The following DPYD variants were observed in gnomAD, a reference collection of about 807,000 sequenced individuals.
DPYD encodes the protein dihydropyrimidine dehydrogenase [NADP(+)].
Under a neutral mutation model 116.2 loss-of-function variants are expected in DPYD, and 109 were observed. The ratio of observed to expected loss-of-function variants is 0.94; its 90% CI spans 0.80 to 1.10. The LOEUF is 1.10. DPYD is among the 50% of genes least tolerant of loss of function. The pLI, the probability that DPYD is intolerant of heterozygous loss-of-function variation, is 0.00. For missense variants in DPYD, 1,302 were observed against 1,254.5 expected (o/e 1.04, Z -0.57); for synonymous variants, 440 against 432.0 (o/e 1.02, Z -0.23).
chr1:97,272,931 C>T (rs890081279), intron 18 of DPYD, among the ~76,000 whole-genome samples: 16 of 151,950 alleles, frequency 1.1e-4, no homozygotes, highest in African/African-American at 3.6e-4. Flanking sequence ...TGTTTTCTCC[C>T]GTCAGTTTCA....
chr1:97,691,860 C>A (rs888169010), intron 6 of DPYD, 62 bp from the exon 7 acceptor site: 2 of 1,365,570 alleles, frequency 1.5e-6, no homozygotes, highest in Admixed American at 3.4e-5. Context: ...TTTGACCAAT[C>A]TTAAAAAAAG....
At chr1:97,458,976 T>A (rs752307152) in intron 13 of DPYD, among the ~76,000 whole-genome samples, 4 of 152,026 alleles carry the variant, frequency 2.6e-5, no homozygotes, top group Admixed American at 6.6e-5. Context: ...AAAGATATCA[T>A]AGGTGGGAGC....
chr1:97,479,800 C>G (rs928180881), intron 13 of DPYD, among the ~76,000 whole-genome samples: 2 of 152,160 alleles, frequency 1.3e-5, no homozygotes, highest in African/African-American at 4.8e-5. Context: ...TATGGTGAAA[C>G]CAAATTCAAC....
intron 1 of DPYD, among the ~76,000 whole-genome samples, chr1:97,899,781 T>C (rs1441349448): frequency 6.6e-6 from 1 of 151,988 alleles, no homozygotes. Flanking sequence ...TACGTGGTCA[T>C]GGGACCATGG....
chr1:97,916,513 A>C (rs1427774596), intron 1 of DPYD, among the ~76,000 whole-genome samples: 1 of 152,108 alleles, frequency 6.6e-6, no homozygotes, highest in Non-Finnish European at 1.5e-5. Flanking sequence ...ATGAACTCAT[A>C]ATCTTTTTAA....
intron 20 of DPYD, among the ~76,000 whole-genome samples, chr1:97,160,929 A>T (rs1017909524): frequency 2.6e-5 from 4 of 152,164 alleles, no homozygotes; most frequent in Non-Finnish European, 4.4e-5. Context: ...GCCTTAGTTA[A>T]CTTGGCAAAA....
chr1:97,900,876 C>T (rs187522426), intron 1 of DPYD, among the ~76,000 whole-genome samples: 2 of 151,882 alleles, frequency 1.3e-5, no homozygotes, highest in Non-Finnish European at 1.5e-5. Flanking sequence ...CAAGATACAC[C>T]ATGCAAAACA....
At chr1:97,431,842 C>A (rs1675196491) in intron 14 of DPYD, among the ~76,000 whole-genome samples, 1 of 152,076 alleles carries the variant, frequency 6.6e-6, no homozygotes, top group South Asian at 2.1e-4. Flanking sequence ...TAACCAATCT[C>A]TCTTTACCCT....
At chr1:97,845,707 G>C (rs1388373145) in intron 2 of DPYD, among the ~76,000 whole-genome samples, 1 of 152,192 alleles carries the variant, frequency 6.6e-6, no homozygotes, top group African/African-American at 2.4e-5. Flanking sequence ...GGTTGTGGGA[G>C]ACATGAAGGA....
chr1:97,491,121 C>A (rs1678950763), intron 13 of DPYD, among the ~76,000 whole-genome samples: 3 of 144,420 alleles, frequency 2.1e-5, no homozygotes, highest in African/African-American at 2.5e-5. Flanking sequence ...ATATATTAAC[C>A]TAATGATATA....
intron 1 of DPYD, among the ~76,000 whole-genome samples, chr1:97,905,099 T>G (rs1026110086): frequency 6.6e-6 from 1 of 152,060 alleles, no homozygotes; most frequent in African/African-American, 2.4e-5. Context: ...ATTTCATAGA[T>G]TCTGGATTTA....
Position 97,234,916 on chromosome 1 carries a change from G to A in DPYD, c.2378C>T (p.Thr793Ile), listed in dbSNP as rs547099198. 48 of 1,613,936 alleles carry A rather than the reference G, an allele frequency of 3.0e-5. 2 individuals carry two copies. Among genetic ancestry groups the A allele is most frequent in the Middle Eastern group, 1.6e-4 (1 of 6,084 alleles). Reference protein sequence around the residue: ...RALPGFPILATGGIDSAESGL... With the variant: ...RALPGFPILAIGGIDSAESGL... ...ACTTTCAGCAGAGTCAATTCCACCAGTAGCCAAAATGGGAAATCCAGGCAG... is the reference window on the plus strand; with the variant it reads ...ACTTTCAGCAGAGTCAATTCCACCAATAGCCAAAATGGGAAATCCAGGCAG... The change falls in exon 19 of 23, where the codon ACT becomes ATT. Residue 793 changes from threonine (T) to isoleucine (I), a missense_variant. Transcript: ENST00000370192.
At chr1:97,640,463 C>A (rs568438056) in intron 8 of DPYD, among the ~76,000 whole-genome samples, 3 of 152,202 alleles carry the variant, frequency 2.0e-5, no homozygotes, top group African/African-American at 7.2e-5. Flanking sequence ...CACTTGCTAC[C>A]ATGACCAGCT....
rs372989851 is a variant in DPYD at position 97,528,549 on chromosome 1, C to A, written c.1525-12608G>T. Among the ~76,000 whole-genome samples, 50 of 152,208 alleles carry A rather than the reference C, an allele frequency of 3.3e-4. 2 individuals are homozygous for A. In the South Asian group the frequency reaches 1.0e-2, roughly 30 times the overall value. ...AAACTCTACCTCTACCCCCAATTAT[C>A]AGCTCTTTAGCAACTTAATGTAGTA... is the stretch of plus-strand genomic sequence containing the variant. On this transcript the variant is annotated intron_variant, in intron 12 of 22. Coordinates refer to ENST00000370192, the MANE Select transcript of DPYD (RefSeq NM_000110.4).
intron 19 of DPYD, among the ~76,000 whole-genome samples, chr1:97,211,663 T>C (rs879276214): frequency 1.3e-5 from 2 of 152,156 alleles, no homozygotes; most frequent in Non-Finnish European, 2.9e-5. Flanking sequence ...ATACAAAGTA[T>C]GATTAGTGCT....
chr1:97,089,822 TG>T (rs1557856526), intron 21 of DPYD, among the ~76,000 whole-genome samples: 94 of 29,230 alleles, frequency 3.2e-3, no homozygotes, highest in Admixed American at 5.9e-3. Flanking sequence ...GAGGCCATTT[TG>T]TTTGTTTTTT....
At chr1:97,818,576 A>C (rs1341930780) in intron 3 of DPYD, among the ~76,000 whole-genome samples, 1 of 152,024 alleles carries the variant, frequency 6.6e-6, no homozygotes, top group Non-Finnish European at 1.5e-5. Context: ...TGATTTTACT[A>C]AACACTGGTA....
intron 19 of DPYD, among the ~76,000 whole-genome samples, chr1:97,211,506 T>A (rs995156037): frequency 1.3e-5 from 2 of 152,192 alleles, no homozygotes; most frequent in African/African-American, 2.4e-5. Context: ...TAATACACTG[T>A]TTGATAATAT....
chr1:97,703,129 T>C (rs1158718774), intron 5 of DPYD, among the ~76,000 whole-genome samples: 1 of 152,044 alleles, frequency 6.6e-6, no homozygotes, highest in Non-Finnish European at 1.5e-5. Context: ...CCTGCTCTGT[T>C]CTGGAATTTT....
Sources: gnomAD v4.1 joint callset for allele counts (sites outside exome capture counted in the v4.1 genomes callset) on GRCh38, gnomAD v4.1.1 for gene constraint, MANE v1.5 for transcripts, NCBI Gene and HGNC (gene_info 2026-07-23, HGNC 2026-07-21) for gene names.